The following FGF13 variants were observed in gnomAD, a reference collection of about 807,000 sequenced individuals.
FGF13 encodes the protein fibroblast growth factor 13.
FGF13 carries 2 observed loss-of-function variants against 19.5 expected under a neutral mutation model. The observed-to-expected ratio is 0.10, with a 90% CI of 0.04 to 0.32. The LOEUF (loss-of-function observed/expected upper bound fraction) is 0.32, where lower values mean the gene tolerates loss of function less well. Ranked by LOEUF, FGF13 falls within the 10% of genes least tolerant of loss-of-function variation. The pLI, the probability that FGF13 is intolerant of heterozygous loss-of-function variation, is 1.00. For synonymous variants in FGF13, 72 were observed against 76.9 expected (o/e 0.94, Z 0.33); for missense variants, 113 against 192.7 (o/e 0.59, Z 2.45).
At chrX:138,944,504 A>C (rs675461) in intron 1 of FGF13, among the ~76,000 whole-genome samples, 1 of 29,887 alleles carries the variant, frequency 3.3e-5, no homozygotes, top group Non-Finnish European at 6.3e-5. Flanking sequence ...TCTGAGCAAA[A>C]AAAAAGAAAA....
At chrX:138,926,410 A>G (rs1374042673) in intron 1 of FGF13, among the ~76,000 whole-genome samples, 1 of 112,301 alleles carries the variant, frequency 8.9e-6, no homozygotes, top group Non-Finnish European at 1.9e-5. Context: ...GCATAATTAA[A>G]AGTATGGTAT....
At chrX:139,057,661 C>T (rs1603167244) in intron 1 of FGF13, among the ~76,000 whole-genome samples, 1 of 111,791 alleles carries the variant, frequency 8.9e-6, no homozygotes, top group African/African-American at 3.2e-5. Flanking sequence ...TGAATGGGTA[C>T]AAATATTTTG....
chrX:138,663,717 A>G (rs2089511771), intron 3 of FGF13, among the ~76,000 whole-genome samples: 1 of 111,960 alleles, frequency 8.9e-6, no homozygotes, highest in African/African-American at 3.2e-5. Flanking sequence ...CAGACATTCA[A>G]ATAAACAGGC....
At chrX:138,663,999 T>G (rs1454982718) in intron 3 of FGF13, among the ~76,000 whole-genome samples, 1 of 111,900 alleles carries the variant, frequency 8.9e-6, no homozygotes, top group Non-Finnish European at 1.9e-5. Context: ...CTTTGTCATC[T>G]GATCATCTAC....
chrX:138,730,467 T>G (rs1041147126), intron 1 of FGF13, among the ~76,000 whole-genome samples: 1 of 111,964 alleles, frequency 8.9e-6, no homozygotes, highest in Admixed American at 9.5e-5. Flanking sequence ...AAAACAATCA[T>G]GAAGTTTGTA....
chrX:138,782,743 G>T (rs1420946397), intron 3 of FGF13, among the ~76,000 whole-genome samples: 7 of 97,805 alleles, frequency 7.2e-5, no homozygotes, highest in Non-Finnish European at 1.2e-4. Flanking sequence ...ACTGCCCAAG[G>T]TAATTTACAG....
At chrX:138,898,882 C>T (rs1229933825) in intron 1 of FGF13, among the ~76,000 whole-genome samples, 1 of 111,475 alleles carries the variant, frequency 9.0e-6, no homozygotes, top group Non-Finnish European at 1.9e-5. Flanking sequence ...CTTCTCTTCT[C>T]TCTTATTCTC....
downstream of FGF13, among the ~76,000 whole-genome samples, chrX:138,856,713 GA>G (rs769136270): frequency 6.2e-5 from 7 of 112,016 alleles, no homozygotes; most frequent in South Asian, 3.7e-4. Flanking sequence ...AGTTATTTTG[GA>G]AGCTGGAATG....
intron 1 of FGF13, among the ~76,000 whole-genome samples, chrX:138,948,609 T>A (rs1002227073): frequency 9.0e-6 from 1 of 111,641 alleles, no homozygotes; most frequent in Non-Finnish European, 1.9e-5. Context: ...TTCCAGAATT[T>A]TTGCTCCATT....
At chrX:138,968,372 C>A (rs1348508422) in intron 1 of FGF13, among the ~76,000 whole-genome samples, 1 of 112,134 alleles carries the variant, frequency 8.9e-6, no homozygotes, top group Non-Finnish European at 1.9e-5. Context: ...ACTAGTTATA[C>A]CTTTTCCAAA....
rs930473248 is a variant in FGF13, at chrX:139,086,736, C to T, written c.-113+116680G>A. 2.7e-5 allele frequency among the ~76,000 whole-genome samples: 3 copies of T among 111,760 alleles called. No individual in the cohort carries two copies. In the Admixed American group the frequency reaches 2.8e-4, roughly 11 times the overall value. On this transcript the variant is annotated intron_variant, in intron 1 of 2. Transcript: ENST00000421460. The stretch of plus-strand genomic sequence containing the variant: ...GGAAAAAAATGTTTAATATGTGTTG[C>T]GTGAATTTCACTTTAATAAAAAAAT...
At chrX:138,829,495 G>A (rs1268213620) in intron 3 of FGF13, among the ~76,000 whole-genome samples, 1 of 111,459 alleles carries the variant, frequency 9.0e-6, no homozygotes, top group Non-Finnish European at 1.9e-5. Flanking sequence ...ACCTTCACCA[G>A]ATGTAGATAC....
Position 138,708,909 on chromosome X carries a change from T to A in FGF13, c.207A>T (p.Ile69=), listed in dbSNP as rs144702516. 5 of 1,195,981 alleles carry A rather than the reference T, an allele frequency of 4.2e-6. No homozygotes were observed. The highest frequency in any genetic ancestry group is 4.5e-6 in the Non-Finnish European group (4 of 882,045). ...RRRPEPQLKG[I]VTKLYSRQGY... is the part of the protein sequence containing the mutation. Reference sequence around the variant, plus strand: ...CTTGTCGGCTGTATAGCTTGGTAACTATACCCTTAAGCTGAGGCTCTGCAA... The same window carrying A: ...CTTGTCGGCTGTATAGCTTGGTAACAATACCCTTAAGCTGAGGCTCTGCAA... Residue 69 remains isoleucine, a synonymous_variant, in exon 2 of 5, where the codon ATA becomes ATT. Coordinates refer to ENST00000315930, the MANE Select transcript of FGF13 (RefSeq NM_004114.5).
At chrX:138,885,969 C>A (rs750334666) in intron 1 of FGF13, among the ~76,000 whole-genome samples, 2 of 111,329 alleles carry the variant, frequency 1.8e-5, no homozygotes, top group Non-Finnish European at 3.8e-5. Flanking sequence ...GCATTCGTTT[C>A]CCTTTAAAAA....
At chrX:138,998,342 T>G (rs1458497031) in intron 1 of FGF13, among the ~76,000 whole-genome samples, 1 of 111,227 alleles carries the variant, frequency 9.0e-6, no homozygotes, top group East Asian at 2.8e-4. Context: ...AATATTAACT[T>G]GAAATGTCCC....
chrX:139,102,724 T>G (rs1186404179), intron 1 of FGF13, among the ~76,000 whole-genome samples: 3 of 111,964 alleles, frequency 2.7e-5, no homozygotes, highest in South Asian at 3.7e-4. Flanking sequence ...CCCATCTCAT[T>G]GTGCAGCCCC....
At chrX:139,128,252 G>A in intron 1 of FGF13, among the ~76,000 whole-genome samples, 1 of 110,945 alleles carries the variant, frequency 9.0e-6, no homozygotes, top group African/African-American at 3.3e-5. Flanking sequence ...TTTTGTTTCT[G>A]TGTCCAAAGC....
rs17539052 is a variant in FGF13 at position 138,631,322 on chromosome X, C to T, written c.*1528G>A. 2 of 112,266 alleles carry T rather than the reference C, an allele frequency of 1.8e-5. No homozygotes were observed. Among genetic ancestry groups the T allele is most frequent in the East Asian group, 5.6e-4 (2 of 3,569 alleles). The allele number at this position is 112,266 out of a possible 1,213,427, so 9.3% of individuals were successfully genotyped here. Reference sequence around the variant, plus strand: ...GACACTGTGAGTGGCAGAGAAAATACTAGCACAAACGCCTCATTTGTATAA... The same window carrying T: ...GACACTGTGAGTGGCAGAGAAAATATTAGCACAAACGCCTCATTTGTATAA... On this transcript the variant is annotated 3_prime_UTR_variant, in exon 5 of 5. Coordinates refer to ENST00000315930, the MANE Select transcript of FGF13 (RefSeq NM_004114.5).
intron 1 of FGF13, among the ~76,000 whole-genome samples, chrX:139,159,655 C>CAAAAAAAAAAAAAAAA (rs550001786): frequency 1.2e-4 from 6 of 51,646 alleles, no homozygotes; most frequent in African/African-American, 3.8e-4. Context: ...AAAGAGAAAG[C>CAAAAAAAAAAAAAAAA]AAAAAAAAAA....
Sources: gnomAD v4.1 joint callset for allele counts (sites outside exome capture counted in the v4.1 genomes callset) on GRCh38, gnomAD v4.1.1 for gene constraint, MANE v1.5 for transcripts, NCBI Gene and HGNC (gene_info 2026-07-23, HGNC 2026-07-21) for gene names.